CLCNKB: variants seen among roughly 807,000 people sequenced by gnomAD.
CLCNKB encodes chloride channel protein ClC-Kb.
CLCNKB carries 74 observed loss-of-function variants against 83.8 expected under a neutral mutation model. The ratio of observed to expected loss-of-function variants is 0.88; its 90% CI spans 0.73 to 1.07. The LOEUF is 1.07. Ranked by LOEUF, CLCNKB falls within the 50% of genes least tolerant of loss-of-function variation. CLCNKB has a pLI of 0.00. For synonymous variants in CLCNKB, 358 were observed against 356.6 expected, an observed-to-expected ratio of 1.00 and a Z score of -0.04; for missense variants, 798 against 893.6, an observed-to-expected ratio of 0.89 and a Z score of 1.36.
In CLCNKB at chr1:16,052,180, C is replaced by G. The variant is rs550354172; in HGVS notation, c.1409-18C>G. The G allele has an allele frequency of 2.7e-5, 43 of 1,612,604 alleles. No homozygotes were observed. In the South Asian group the frequency reaches 4.2e-4, roughly 16 times the overall value. On this transcript the variant is annotated intron_variant, in intron 14 of 19. Transcript: ENST00000375679. ...TGGCCCCTGGCCTGAGCTGCCCTGC[C>G]TGACTCTGCCCTTGCAGGGGCTGCA...
chr1:16,046,733 A>C (rs2124086800), intron 4 of CLCNKB, 70 bp downstream of exon 4: 1 of 1,586,250 alleles, frequency 6.3e-7, no homozygotes, highest in South Asian at 1.1e-5. Flanking sequence ...GGAGTCGGGA[A>C]GGGGCAGCCT....
chr1:16,050,719 A>T lies in CLCNKB; in HGVS notation c.1053+119A>T, dbSNP rs2023259951. The T allele has an allele frequency of 2.7e-6, 4 of 1,472,952 alleles. No homozygotes were observed. In the African/African-American group the frequency reaches 4.2e-5, roughly 15 times the overall value. The allele number at this position is 1,472,952 out of a possible 1,614,324, so 91.2% of individuals were successfully genotyped here. On this transcript the variant is annotated intron_variant, in intron 11 of 19. Coordinates refer to ENST00000375679, the MANE Select transcript of CLCNKB (RefSeq NM_000085.5). ...GGGAGATGCCTCAGCATTATTTTAT[A>T]GATGATACTACAGCTTCGGGAGGTC... is the stretch of plus-strand genomic sequence containing the variant.
rs41269167 is a variant in CLCNKB at position 16,051,598 on chromosome 1, A to G, written c.1297+51A>G. 0.11 allele frequency: 180,380 copies of G among 1,606,720 alleles called. 11,492 individuals carry two copies. Among genetic ancestry groups the G allele is most frequent in the African/African-American group, 0.22 (16,191 of 74,636 alleles). On this transcript the variant is annotated intron_variant, in intron 13 of 19. Transcript: ENST00000375679. ...AGAGTTTCGGGGTTCTTGGGGCAGG[A>G]CCATGGCTCCTGGTTCACCCTCCCC... is the stretch of plus-strand genomic sequence containing the variant.
Position 16,051,739 on chromosome 1 carries a change from A to T in CLCNKB, c.1327A>T (p.Thr443Ser), listed in dbSNP as rs2023301508. 1 of 1,612,660 alleles carries T rather than the reference A, an allele frequency of 6.2e-7. No individual in the cohort carries two copies. The highest frequency in any genetic ancestry group is 8.5e-7 in the Non-Finnish European group (1 of 1,179,670). The part of the protein sequence containing the change: ...GAAIGRLFGE[T>S]LSFIFPEGIV... ...TGCTATCGGGCGCCTCTTTGGGGAG[A>T]CTCTCTCTTTTATCTTCCCTGAGGG... The change falls in exon 14 of 20, where the codon ACT (threonine) becomes TCT (serine). Residue 443 changes from threonine (T) to serine (S), a missense_variant. Coordinates refer to ENST00000375679, the MANE Select transcript of CLCNKB (RefSeq NM_000085.5).
intron 4 of CLCNKB, 52 bp from the exon 5 acceptor site, chr1:16,047,853 G>A: frequency 6.3e-7 from 1 of 1,599,840 alleles, no homozygotes; most frequent in Non-Finnish European, 8.6e-7. Context: ...AGAGTGTTGA[G>A]ATTTTTAACC....
chr1:16,050,297 C>T (rs80267677), intron 10 of CLCNKB, among the ~76,000 whole-genome samples: 1 of 152,116 alleles, frequency 6.6e-6, no homozygotes, highest in Non-Finnish European at 1.5e-5. Flanking sequence ...GTCCTCCCTC[C>T]CAGCCTGCCT....
chr1:16,051,744 C>G lies in CLCNKB; in HGVS notation c.1332C>G (p.Leu444=), dbSNP rs1309674661. Residue 444 remains leucine, a synonymous_variant, in exon 14 of 20, where the codon CTC becomes CTG. Coordinates refer to ENST00000375679, the MANE Select transcript of CLCNKB (RefSeq NM_000085.5). ...AAIGRLFGET[L]SFIFPEGIVA... is the part of the protein sequence containing the mutation. ...TCGGGCGCCTCTTTGGGGAGACTCT[C>G]TCTTTTATCTTCCCTGAGGGCATCG... The G allele has an allele frequency of 2.5e-6, 4 of 1,613,918 alleles. No individual in the cohort carries two copies. Among genetic ancestry groups the G allele is most frequent in the Non-Finnish European group, 3.4e-6 (4 of 1,179,946 alleles).
rs1441803534 is a variant in CLCNKB, at chr1:16,051,029, C to T, written c.1208C>T (p.Ala403Val). The T allele has an allele frequency of 3.7e-6, 6 of 1,614,078 alleles. No homozygotes were observed. Among genetic ancestry groups the T allele is most frequent in the Non-Finnish European group, 5.1e-6 (6 of 1,180,012 alleles). The change falls in exon 12 of 20, where the codon GCC becomes GTC. Residue 403 changes from alanine to valine, a missense_variant. Ala to Val is a moderately conservative substitution (Grantham distance 64). Transcript: ENST00000375679. Reference protein sequence around the residue: ...HPRFTIFGTLAFFLVMKFWML... With the variant: ...HPRFTIFGTLVFFLVMKFWML... ...CGGTTCACCATCTTTGGGACCCTTG[C>T]CTTCTTCCTGGTTATGAAGGTGGGC... is the stretch of plus-strand genomic sequence containing the variant.
At chr1:16,045,504 G>A (rs2023071701) in intron 2 of CLCNKB, 54 bp from the exon 3 acceptor site, 2 of 1,605,306 alleles carry the variant, frequency 1.2e-6, no homozygotes, top group African/African-American at 1.3e-5. Context: ...CCAAGGATGG[G>A]ACTGTCTGTG....
At position 16,049,131 on chromosome 1, in the gene CLCNKB, A is replaced by G; in HGVS notation, c.667A>G (p.Ser223Gly). Residue 223 changes from serine (S) to glycine (G), a missense_variant, in exon 8 of 20, where the codon AGC (serine) becomes GGC (glycine). Transcript: ENST00000375679. ...FAAPFSGVLF[S>G]IEVMSSHFSV... The stretch of plus-strand genomic sequence containing the variant: ...AGTGTCGCCCCCAGGCGTCCTGTTC[A>G]GCATCGAGGTCATGTCTTCCCACTT... The G allele has an allele frequency of 6.2e-7, 1 of 1,613,530 alleles. No individual in the cohort carries two copies. Among genetic ancestry groups the G allele is most frequent in the South Asian group, 1.1e-5 (1 of 91,050 alleles).
At chr1:16,044,647 C>T in intron 2 of CLCNKB, 55 bp downstream of exon 2, 1 of 1,425,884 alleles carries the variant, frequency 7.0e-7, no homozygotes, top group South Asian at 1.2e-5. Flanking sequence ...GACATCATTC[C>T]TGCCCAGCTC....
chr1:16,053,791 G>T lies in CLCNKB; in HGVS notation c.1756+19G>T. On this transcript the variant is annotated intron_variant, in intron 16 of 19. Coordinates refer to ENST00000375679, the MANE Select transcript of CLCNKB (RefSeq NM_000085.5). ...AGCACAGGTGCCCAGCCGGAAGGGA[G>T]GAGGAAGTCGGGGGTAGGGGATGCC... 1 of 1,613,564 alleles carries T rather than the reference G, an allele frequency of 6.2e-7. No individual in the cohort carries two copies. The highest frequency in any genetic ancestry group is 8.5e-7 in the Non-Finnish European group (1 of 1,179,892).
intron 4 of CLCNKB, 105 bp downstream of exon 4, chr1:16,046,768 A>G (rs1261622054): frequency 1.4e-6 from 2 of 1,452,330 alleles, no homozygotes; most frequent in East Asian, 2.3e-5. Flanking sequence ...AGGCCCAGGA[A>G]GAGTCATGTG....
intron 4 of CLCNKB, among the ~76,000 whole-genome samples, 179 bp downstream of exon 4, chr1:16,046,842 C>G (rs184681243): frequency 2.0e-5 from 3 of 152,242 alleles, no homozygotes; most frequent in African/African-American, 7.2e-5. Context: ...CTGGCCCTAC[C>G]TGCTTTCCAG....
chr1:16,047,116 T>C (rs1352839834), intron 4 of CLCNKB, among the ~76,000 whole-genome samples: 2 of 152,184 alleles, frequency 1.3e-5, no homozygotes, highest in African/African-American at 2.4e-5. Flanking sequence ...CCCTCTGTGA[T>C]GCTCGGTGTC....
rs1460649526 is a variant in CLCNKB, at chr1:16,051,406, T to C, written c.1228-72T>C. 6 of 1,547,198 alleles carry C rather than the reference T, an allele frequency of 3.9e-6. No individual in the cohort carries two copies. In the East Asian group the frequency reaches 9.0e-5, roughly 23 times the overall value. ...CTCTCTAGGACACTCCCCTGTCCCA[T>C]GTCCTGTCCTCCCTTGTCCACGCCT... On this transcript the variant is annotated intron_variant, in intron 12 of 19. Coordinates refer to ENST00000375679, the MANE Select transcript of CLCNKB (RefSeq NM_000085.5).
intron 7 of CLCNKB, 138 bp from the exon 8 acceptor site, chr1:16,048,982 C>A: frequency 6.3e-7 from 1 of 1,576,154 alleles, no homozygotes; most frequent in Non-Finnish European, 8.6e-7. Flanking sequence ...ATGCCCTGCC[C>A]TCCCCTCCTG....
intron 18 of CLCNKB, 106 bp from the exon 19 acceptor site, chr1:16,056,316 A>G: frequency 5.3e-6 from 6 of 1,138,444 alleles, no homozygotes; most frequent in Non-Finnish European, 6.6e-6. Flanking sequence ...TCTCCCACAC[A>G]CATCAGGCCC....
At chr1:16,049,326 C>T (rs2023207213) in intron 8 of CLCNKB, 81 bp downstream of exon 8, 5 of 1,580,552 alleles carry the variant, frequency 3.2e-6, no homozygotes, top group East Asian at 2.2e-5. Flanking sequence ...TGTGTACACC[C>T]CTTGCTCTTC....
Sources: gnomAD v4.1 joint callset for allele counts (sites outside exome capture counted in the v4.1 genomes callset) on GRCh38, gnomAD v4.1.1 for gene constraint, MANE v1.5 for transcripts, NCBI Gene and HGNC (gene_info 2026-07-23, HGNC 2026-07-21) for gene names.